The following TTC28 variants were observed in gnomAD, a reference collection of about 807,000 sequenced individuals.
The protein encoded by TTC28 is tetratricopeptide repeat protein 28.
In TTC28, 61 loss-of-function variants were observed where a neutral mutation model predicts 198.0. The ratio of observed to expected loss-of-function variants is 0.31; its 90% CI spans 0.25 to 0.38. The LOEUF is 0.38. TTC28 is among the 10% of genes least tolerant of loss of function. TTC28 has a pLI of 1.00. For missense variants in TTC28, 2,678 were observed against 3,164.0 expected (o/e 0.85, Z 3.69); for synonymous variants, 1,171 against 1,297.8 (o/e 0.90, Z 2.10).
chr22:28,677,068 T>C lies in TTC28; in HGVS notation c.102+2554A>G, dbSNP rs564013882. Among the ~76,000 whole-genome samples the C allele has an allele frequency of 9.4e-5, 14 of 149,688 alleles. No homozygotes were observed. The East Asian group carries it at 2.0e-3, about 21-fold the overall frequency. Reference sequence around the variant, plus strand: ...TACTTGGGAGGCTAAGGCAGGAGAATTGCTTGAGCCAGGAGGGTGGAGGCT... The same window carrying C: ...TACTTGGGAGGCTAAGGCAGGAGAACTGCTTGAGCCAGGAGGGTGGAGGCT... On this transcript the variant is annotated intron_variant, in intron 1 of 22. Transcript: ENST00000397906.
intron 2 of TTC28, among the ~76,000 whole-genome samples, chr22:28,548,389 C>G (rs2049588631): frequency 6.6e-6 from 1 of 152,136 alleles, no homozygotes; most frequent in African/African-American, 2.4e-5. Context: ...AGTATCAAAC[C>G]AACATGGCAA....
chr22:28,671,630 A>G (rs1413565310), intron 1 of TTC28, among the ~76,000 whole-genome samples: 5 of 133,588 alleles, frequency 3.7e-5, no homozygotes, highest in Non-Finnish European at 6.4e-5. Flanking sequence ...ACAAGACTCC[A>G]TCTCAAAAAA....
intron 2 of TTC28, among the ~76,000 whole-genome samples, chr22:28,536,271 T>C (rs371920008): frequency 3.4e-4 from 50 of 146,150 alleles, no homozygotes; most frequent in African/African-American, 1.2e-3. Flanking sequence ...AAAAGATTAA[T>C]AATCTAAGAA....
At chr22:28,013,752 C>T (rs915731028) in intron 14 of TTC28, among the ~76,000 whole-genome samples, 1 of 151,970 alleles carries the variant, frequency 6.6e-6, no homozygotes, top group Non-Finnish European at 1.5e-5. Flanking sequence ...CGGCCACATC[C>T]CCGAGGCGTC....
intron 2 of TTC28, among the ~76,000 whole-genome samples, chr22:28,504,972 T>C (rs981242752): frequency 6.6e-6 from 1 of 152,102 alleles, no homozygotes; most frequent in African/African-American, 2.4e-5. Flanking sequence ...TTTAAAACTT[T>C]AGGCCGGGTG....
At chr22:28,326,724 G>A (rs893414918) in intron 2 of TTC28, among the ~76,000 whole-genome samples, 2 of 152,050 alleles carry the variant, frequency 1.3e-5, no homozygotes, top group African/African-American at 4.8e-5. Flanking sequence ...GTTATAAACC[G>A]ATTTCTTTGC....
At chr22:28,521,485 T>C (rs1212706284) in intron 2 of TTC28, among the ~76,000 whole-genome samples, 6 of 152,130 alleles carry the variant, frequency 3.9e-5, no homozygotes, top group African/African-American at 7.2e-5. Flanking sequence ...AAAGCCAAGA[T>C]TGCAGAGAGG....
chr22:28,116,313 T>C (rs1014371354), intron 6 of TTC28, among the ~76,000 whole-genome samples: 3 of 152,234 alleles, frequency 2.0e-5, no homozygotes, highest in African/African-American at 4.8e-5. Context: ...CCTGTGCCAC[T>C]GTAAATCCTG....
chr22:28,012,780 G>A (rs950886951), intron 14 of TTC28, among the ~76,000 whole-genome samples: 1 of 152,264 alleles, frequency 6.6e-6, no homozygotes, highest in Admixed American at 6.5e-5. Flanking sequence ...CCAAAGTGCT[G>A]GGATTACAGT....
At chr22:28,219,412 G>C (rs774860116) in intron 5 of TTC28, among the ~76,000 whole-genome samples, 13 of 151,832 alleles carry the variant, frequency 8.6e-5, no homozygotes, top group South Asian at 2.1e-4. Context: ...GGGAGGCTGA[G>C]ACACGAGAAT....
chr22:28,153,395 TA>T (rs55726442), intron 6 of TTC28, among the ~76,000 whole-genome samples: 21,861 of 97,156 alleles, frequency 0.23, 2,108 homozygotes, highest in Non-Finnish European at 0.29. Flanking sequence ...CTCAAAGAAT[TA>T]AAAAAAAAAA....
rs952864052 is a variant in TTC28, at chr22:27,980,379, A to G, written c.*1842T>C. On this transcript the variant is annotated 3_prime_UTR_variant, in exon 23 of 23. Transcript: ENST00000397906. ...TTTCAGTGTTGGGATCAGGGCTAGA[A>G]TAAGACATGCTTATTGTTGGCTTTT... The G allele has an allele frequency of 1.3e-5, 2 of 152,230 alleles. No individual in the cohort carries two copies. Among genetic ancestry groups the G allele is most frequent in the African/African-American group, 4.8e-5 (2 of 41,466 alleles). The allele number at this position is 152,230 out of a possible 1,614,324, so 9.4% of individuals were successfully genotyped here. A position where few individuals can be genotyped will look rare whatever the true frequency, so the allele number is the denominator to read the frequency against.
chr22:28,378,285 G>A (rs951678538), intron 2 of TTC28, among the ~76,000 whole-genome samples: 2 of 148,438 alleles, frequency 1.3e-5, no homozygotes, highest in Non-Finnish European at 3.0e-5. Context: ...GGCGGAGGTT[G>A]CAGTGAGCCA....
chr22:28,638,168 T>A (rs2051305958), intron 1 of TTC28, among the ~76,000 whole-genome samples: 1 of 152,090 alleles, frequency 6.6e-6, no homozygotes, highest in African/African-American at 2.4e-5. Flanking sequence ...CAATACAGAA[T>A]ACATCAGACT....
At chr22:28,216,557 GAC>G (rs988091203) in intron 5 of TTC28, among the ~76,000 whole-genome samples, 7 of 152,028 alleles carry the variant, frequency 4.6e-5, no homozygotes, top group African/African-American at 1.7e-4. Context: ...GAATTTACAT[GAC>G]AGTCTCATTT....
chr22:28,107,832 C>G lies in TTC28; in HGVS notation c.2013G>C (p.Leu671Phe). ...LALAKDLHDK[L>F]SQAKAYCNLG... ...AGTTGCAGTAGGCTTTTGCTTGGCTCAACTTGTCGTGAAGGTCTTTAGCCA... is the reference window on the plus strand; with the variant it reads ...AGTTGCAGTAGGCTTTTGCTTGGCTGAACTTGTCGTGAAGGTCTTTAGCCA... Residue 671 changes from leucine to phenylalanine, a missense_variant, in exon 7 of 23, where the codon TTG (leucine) becomes TTC (phenylalanine). Transcript: ENST00000397906. 6.4e-7 allele frequency: 1 copy of G among 1,551,930 alleles called. No individual in the cohort carries two copies. Among genetic ancestry groups the G allele is most frequent in the Non-Finnish European group, 8.7e-7 (1 of 1,147,044 alleles).
At chr22:28,422,690 C>G (rs1042371485) in intron 2 of TTC28, among the ~76,000 whole-genome samples, 2 of 152,036 alleles carry the variant, frequency 1.3e-5, no homozygotes, top group Non-Finnish European at 2.9e-5. Context: ...CACGATTCAC[C>G]CACCTCGGCC....
intron 5 of TTC28, among the ~76,000 whole-genome samples, chr22:28,227,675 C>T (rs980330284): frequency 2.0e-5 from 3 of 151,540 alleles, no homozygotes; most frequent in South Asian, 2.1e-4. Flanking sequence ...GATACCACTT[C>T]GCACTCATTA....
intron 6 of TTC28, among the ~76,000 whole-genome samples, chr22:28,134,812 T>C (rs896136564): frequency 6.6e-6 from 1 of 152,122 alleles, no homozygotes; most frequent in African/African-American, 2.4e-5. Context: ...ATTTTAGTTC[T>C]AAACTTTCCA....
Sources: allele counts gnomAD v4.1 joint callset (sites outside exome capture counted in the v4.1 genomes callset), GRCh38; gene constraint gnomAD v4.1.1; transcripts MANE v1.5; gene names NCBI Gene and HGNC (gene_info 2026-07-23, HGNC 2026-07-21).